The following KCTD2 variants were observed in gnomAD, a reference collection of about 807,000 sequenced individuals.
KCTD2 encodes potassium channel tetramerization domain containing 2.
In KCTD2, 18 loss-of-function variants were observed where a neutral mutation model predicts 27.9. That is an observed-to-expected ratio of 0.64 (90% confidence interval 0.45 to 0.96). The LOEUF (loss-of-function observed/expected upper bound fraction) is 0.96. Ranked by LOEUF, KCTD2 falls within the 40% of genes least tolerant of loss-of-function variation. KCTD2 has a pLI of 0.00. For missense variants in KCTD2, 280 were observed against 348.0 expected, an observed-to-expected ratio of 0.80 and a Z score of 1.56; for synonymous variants, 175 against 148.4, an observed-to-expected ratio of 1.18 and a Z score of -1.30.
intron 3 of KCTD2, chr17:75,042,090 G>T: frequency 9.0e-7 from 1 of 1,114,028 alleles, no homozygotes; most frequent in Non-Finnish European, 1.3e-6. Flanking sequence ...TAGGGATCTG[G>T]CTGTCATGCT....
intron 3 of KCTD2, chr17:75,040,527 G>T: frequency 3.8e-6 from 1 of 265,942 alleles, no homozygotes; most frequent in South Asian, 4.3e-5. Flanking sequence ...TTTCTCTTCT[G>T]CATGGAACCC....
intron 3 of KCTD2, chr17:75,040,796 G>A (rs903655924): frequency 6.6e-6 from 1 of 151,598 alleles, no homozygotes; most frequent in Non-Finnish European, 1.5e-5. Flanking sequence ...TGAGGCAAGA[G>A]AACTGCTTGA....
At chr17:75,060,660 C>T (rs1371964650) in intron 4 of KCTD2, 4 of 1,517,852 alleles carry the variant, frequency 2.6e-6, no homozygotes, top group Non-Finnish European at 3.5e-6. Context: ...CCAGGGAGGG[C>T]GCGCGTGCGA....
At chr17:75,045,510 C>A (rs1424489711), upstream of KCTD2, among the ~76,000 whole-genome samples, 1 of 152,204 alleles carries the variant, frequency 6.6e-6, no homozygotes, top group Non-Finnish European at 1.5e-5. Context: ...CCCAGGGGGG[C>A]CAGTTCAGAG....
chr17:75,034,410 T>G (rs940774115), intron 2 of KCTD2, among the ~76,000 whole-genome samples: 1 of 152,008 alleles, frequency 6.6e-6, no homozygotes, highest in East Asian at 1.9e-4. Flanking sequence ...AAAGAAACCT[T>G]GCGAGCACAG....
rs548710285 is a variant in KCTD2 at position 75,064,943 on chromosome 17, GTC to G, written c.*1899_*1900del. 1 of 152,340 alleles carries G rather than the reference GTC, an allele frequency of 6.6e-6. No homozygotes were observed. The highest frequency in any genetic ancestry group is 1.9e-4 in the East Asian group (1 of 5,184). The allele number at this position is 152,340 out of a possible 1,614,324, so 9.4% of individuals were successfully genotyped here. A position where few individuals can be genotyped will look rare whatever the true frequency, so the allele number is the denominator to read the frequency against. ...AGCTTGGTTTGCGGCCTTGTGCCCA[GTC>G]TCGTTGAGGCGCTTGTCCCTGTCTG... is the stretch of plus-strand genomic sequence containing the variant. On this transcript the variant is annotated 3_prime_UTR_variant, in exon 6 of 6. Coordinates refer to ENST00000322444, the MANE Select transcript of KCTD2 (RefSeq NM_015353.3).
At chr17:75,039,552 A>G (rs2073137010) in intron 3 of KCTD2, 3 of 433,486 alleles carry the variant, frequency 6.9e-6, no homozygotes, top group Admixed American at 3.7e-5. Context: ...CACAGGGCTC[A>G]GCCACTGAAT....
chr17:75,038,028 GAC>G (rs1219207462), intron 3 of KCTD2, among the ~76,000 whole-genome samples: 1 of 151,994 alleles, frequency 6.6e-6, no homozygotes, highest in African/African-American at 2.4e-5. Flanking sequence ...CAGCCTGGGC[GAC>G]AGAGTGAGAC....
upstream of KCTD2, among the ~76,000 whole-genome samples, chr17:75,046,544 G>C (rs1359990414): frequency 1.3e-5 from 2 of 152,254 alleles, no homozygotes; most frequent in Non-Finnish European, 2.9e-5. Flanking sequence ...AGCTGCCGAA[G>C]GGGAAGGGCG....
upstream of KCTD2, chr17:75,047,149 C>T (rs1158339352): frequency 3.2e-6 from 1 of 310,456 alleles, no homozygotes; most frequent in South Asian, 1.1e-4. Flanking sequence ...GTCCCTCTCC[C>T]CTCTGCCCCA....
chr17:75,059,618 A>G lies in KCTD2; in HGVS notation c.636+13A>G. 1 of 1,604,136 alleles carries G rather than the reference A, an allele frequency of 6.2e-7. No homozygotes were observed. Among genetic ancestry groups the G allele is most frequent in the South Asian group, 1.1e-5 (1 of 90,786 alleles). On this transcript the variant is annotated intron_variant, in intron 4 of 5. Transcript: ENST00000322444. ...GAAATTCGAACAGGTACATCTCTTA[A>G]CAGAGCAGCAATCCCAGGCCCCGTT...
intron 3 of KCTD2, chr17:75,039,409 G>A (rs761793547): frequency 2.3e-5 from 16 of 700,418 alleles, no homozygotes; most frequent in Middle Eastern, 4.0e-4. Flanking sequence ...GAGTGGGGGC[G>A]CTCACTCTGA....
chr17:75,051,404 C>T (rs997540829), intron 2 of KCTD2, among the ~76,000 whole-genome samples: 2 of 151,216 alleles, frequency 1.3e-5, no homozygotes, highest in Non-Finnish European at 2.9e-5. Flanking sequence ...CCTGCCTCAG[C>T]CTCCTGAGTA....
At chr17:75,038,845 A>G (rs1247236074) in intron 3 of KCTD2, 1 of 1,432,104 alleles carries the variant, frequency 7.0e-7, no homozygotes, top group Non-Finnish European at 9.4e-7. Flanking sequence ...AACCACAGAG[A>G]AGAAGCACAC....
At chr17:75,057,887 C>T (rs2073365347) in intron 3 of KCTD2, among the ~76,000 whole-genome samples, 1 of 151,300 alleles carries the variant, frequency 6.6e-6, no homozygotes, top group Non-Finnish European at 1.5e-5. Context: ...TGGAAGAAAA[C>T]ATAGAAGAAA....
intron 3 of KCTD2, among the ~76,000 whole-genome samples, chr17:75,055,100 G>A (rs540364821): frequency 2.0e-5 from 3 of 152,098 alleles, no homozygotes; most frequent in African/African-American, 7.2e-5. Context: ...TGTCACCCAG[G>A]CAGGAGTGCA....
At chr17:75,062,988 C>T (rs2073419951) in intron 5 of KCTD2, 30 bp from the exon 6 acceptor site, 1 of 1,613,450 alleles carries the variant, frequency 6.2e-7, no homozygotes, top group African/African-American at 1.3e-5. Context: ...CCTCAGCAGC[C>T]TCAGCCTCTC....
At chr17:75,033,073 G>A (rs1182933922) in intron 1 of KCTD2, 2 of 152,240 alleles carry the variant, frequency 1.3e-5, no homozygotes, top group Non-Finnish European at 2.9e-5. Flanking sequence ...GCCCTTGGCT[G>A]AACTTCTTCT....
At chr17:75,034,573 G>A (rs1471176279) in intron 2 of KCTD2, among the ~76,000 whole-genome samples, 1 of 152,174 alleles carries the variant, frequency 6.6e-6, no homozygotes, top group Admixed American at 6.5e-5. Flanking sequence ...CGGCCCTGCT[G>A]TGGGTCACCG....
Sources: allele counts gnomAD v4.1 joint callset (sites outside exome capture counted in the v4.1 genomes callset), GRCh38; gene constraint gnomAD v4.1.1; transcripts MANE v1.5; gene names NCBI Gene and HGNC (gene_info 2026-07-23, HGNC 2026-07-21).